PCDHGB1: variants seen among roughly 807,000 people sequenced by gnomAD.
PCDHGB1 encodes protocadherin gamma-B1.
Under a neutral mutation model 56.6 loss-of-function variants are expected in PCDHGB1, and 34 were observed. The observed-to-expected ratio is 0.60, with a 90% CI of 0.46 to 0.80. The LOEUF (loss-of-function observed/expected upper bound fraction) is 0.80, where lower values mean the gene tolerates loss of function less well. Ranked by LOEUF, PCDHGB1 falls within the 30% of genes least tolerant of loss-of-function variation. PCDHGB1 has a pLI of 0.00. For missense variants in PCDHGB1, 1,278 were observed against 1,204.6 expected (o/e 1.06, Z -0.90); for synonymous variants, 561 against 505.9 (o/e 1.11, Z -1.46).
intron 1 of PCDHGB1, chr5:141,383,361 A>C: frequency 6.2e-7 from 1 of 1,614,022 alleles, no homozygotes; most frequent in Non-Finnish European, 8.5e-7. Flanking sequence ...GGTTTCCGTT[A>C]AGCGAGGCTG....
chr5:141,511,265 A>C lies in PCDHGB1; in HGVS notation c.*92A>C. The C allele has an allele frequency of 6.4e-7, 1 of 1,551,730 alleles. No individual in the cohort carries two copies. Among genetic ancestry groups the C allele is most frequent in the Non-Finnish European group, 8.7e-7 (1 of 1,148,178 alleles). ...ACCCAGGCCTCAGAGTTTCAGGGCT[A>C]ACCCCCAGAATACTGGTAGGGGCCA... On this transcript the variant is annotated 3_prime_UTR_variant, in exon 4 of 4. Coordinates refer to ENST00000523390, the MANE Select transcript of PCDHGB1 (RefSeq NM_018922.3).
At chr5:141,419,109 A>T in intron 1 of PCDHGB1, 1 of 1,613,940 alleles carries the variant, frequency 6.2e-7, no homozygotes, top group Non-Finnish European at 8.5e-7. Flanking sequence ...CAGACCCCAG[A>T]GTACAACGTC....
At chr5:141,413,625 C>A (rs372855865) in intron 1 of PCDHGB1, 22 of 1,613,734 alleles carry the variant, frequency 1.4e-5, no homozygotes, top group Non-Finnish European at 1.9e-5. Flanking sequence ...ATGAAAATGT[C>A]GCTGCGGGAA....
chr5:141,498,105 G>C (rs150297456), intron 2 of PCDHGB1, among the ~76,000 whole-genome samples: 1 of 152,324 alleles, frequency 6.6e-6, no homozygotes, highest in East Asian at 1.9e-4. Flanking sequence ...TGGTGTGGGC[G>C]TATAATAGGG....
At chr5:141,375,183 C>T (rs773640182) in intron 1 of PCDHGB1, 12 of 1,613,848 alleles carry the variant, frequency 7.4e-6, no homozygotes, top group Admixed American at 1.7e-5. Flanking sequence ...ACAGTAATCG[C>T]CCTTTTTCAA....
At chr5:141,353,798 T>C (rs1173677815) in intron 1 of PCDHGB1, among the ~76,000 whole-genome samples, 3 of 152,230 alleles carry the variant, frequency 2.0e-5, no homozygotes, top group Non-Finnish European at 2.9e-5. Flanking sequence ...CCAAACATCT[T>C]ATTTCACCTC....
chr5:141,381,355 C>T (rs1431564536), intron 1 of PCDHGB1, among the ~76,000 whole-genome samples: 1 of 152,222 alleles, frequency 6.6e-6, no homozygotes, highest in Admixed American at 6.5e-5. Context: ...TTTCTGCTAG[C>T]AGAGGGTAGC....
At chr5:141,415,772 T>TTTTTTTTG in intron 1 of PCDHGB1, 1 of 1,332,986 alleles carries the variant, frequency 7.5e-7, no homozygotes. Context: ...TTTTTTTTTT[T>TTTTTTTTG]ACTTTCTGGT....
rs899154780 is a variant in PCDHGB1, at chr5:141,402,932, A to C, written c.2409+50263A>C. ...AGCGCGCACAGAGATCCTTTTGAGAAAATTCCAAAGCGAGGCAGCAATGGC... is the reference window on the plus strand; with the variant it reads ...AGCGCGCACAGAGATCCTTTTGAGACAATTCCAAAGCGAGGCAGCAATGGC... On this transcript the variant is annotated intron_variant, in intron 1 of 3. Coordinates refer to ENST00000523390, the MANE Select transcript of PCDHGB1 (RefSeq NM_018922.3). 3 of 1,584,974 alleles carry C rather than the reference A, an allele frequency of 1.9e-6. No individual in the cohort carries two copies. In the Admixed American group the frequency reaches 5.4e-5, roughly 29 times the overall value.
intron 1 of PCDHGB1, chr5:141,393,248 C>A: frequency 4.3e-6 from 7 of 1,613,798 alleles, no homozygotes; most frequent in Non-Finnish European, 5.9e-6. Flanking sequence ...TTAACGAAAT[C>A]GCGGTTCCTG....
At chr5:141,375,324 A>G in intron 1 of PCDHGB1, 2 of 1,613,806 alleles carry the variant, frequency 1.2e-6, no homozygotes, top group Non-Finnish European at 1.7e-6. Flanking sequence ...GACCGGGAAG[A>G]GGTATTCTTG....
At position 141,491,423 on chromosome 5, in the gene PCDHGB1, G is replaced by C; in HGVS notation, c.2410-3384G>C. On this transcript the variant is annotated intron_variant, in intron 1 of 3. Transcript: ENST00000523390. The surrounding 1 kb of genome is among the most constrained non-coding windows in gnomAD (Gnocchi z 6.9). ...AACGCAGACGGGGACGGGGGTGGAG[G>C]GCAGTGCTGCAGGCGCCAGGACTCA... 1 of 1,614,126 alleles carries C rather than the reference G, an allele frequency of 6.2e-7. No individual in the cohort carries two copies. Among genetic ancestry groups the C allele is most frequent in the South Asian group, 1.1e-5 (1 of 91,090 alleles).
chr5:141,361,388 A>T, intron 1 of PCDHGB1: 1 of 1,614,000 alleles, frequency 6.2e-7, no homozygotes, highest in Non-Finnish European at 8.5e-7. Flanking sequence ...ATCCCAGAAT[A>T]CAATCTCACC....
intron 1 of PCDHGB1, chr5:141,372,365 C>G: frequency 6.2e-7 from 1 of 1,613,966 alleles, no homozygotes; most frequent in South Asian, 1.1e-5. Flanking sequence ...TTTCAGCCAC[C>G]GTCATGCTGC....
chr5:141,380,369 A>G (rs1776432009), intron 1 of PCDHGB1, among the ~76,000 whole-genome samples: 1 of 152,238 alleles, frequency 6.6e-6, no homozygotes, highest in Non-Finnish European at 1.5e-5. Context: ...TAGAAAAAAA[A>G]GTCCCAAAAA....
intron 1 of PCDHGB1, among the ~76,000 whole-genome samples, chr5:141,451,430 T>C (rs1441183396): frequency 2.0e-5 from 3 of 152,240 alleles, no homozygotes; most frequent in Non-Finnish European, 4.4e-5. Context: ...AGACTAAGGG[T>C]TCCAGTTCCT....
intron 1 of PCDHGB1, chr5:141,399,822 C>T (rs755182775): frequency 1.2e-6 from 2 of 1,613,084 alleles, no homozygotes; most frequent in Admixed American, 3.3e-5. Context: ...CGCTGGGTCC[C>T]GACGGCTCTG....
chr5:141,512,555 A>C lies in PCDHGB1; in HGVS notation c.*1382A>C, dbSNP rs1294402882. 2.6e-5 allele frequency: 4 copies of C among 152,986 alleles called. No individual in the cohort carries two copies. The highest frequency in any genetic ancestry group is 9.6e-5 in the African/African-American group (4 of 41,472). 9.5% of individuals were successfully genotyped at this position (152,986 alleles called of 1,614,324 possible). A position where few individuals can be genotyped will look rare whatever the true frequency, so the allele number is the denominator to read the frequency against. ...AGTTCCCCAGTGCCTCCTTGTGCAT[A>C]GACCTTCTTCTCCCACCCCCTTCTG... On this transcript the variant is annotated 3_prime_UTR_variant, in exon 4 of 4. Transcript: ENST00000523390.
intron 1 of PCDHGB1, chr5:141,484,966 G>C: frequency 1.7e-6 from 1 of 583,968 alleles, no homozygotes. Context: ...GAGCCCGGGA[G>C]CCGCTGTCTG....
Sources: allele counts gnomAD v4.1 joint callset (sites outside exome capture counted in the v4.1 genomes callset), GRCh38; gene constraint gnomAD v4.1.1; non-coding constraint Gnocchi (gnomAD v3.1); transcripts MANE v1.5; gene names NCBI Gene and HGNC (gene_info 2026-07-23, HGNC 2026-07-21).